Variants in VWC2 observed in about 807,000 individuals in gnomAD.
VWC2 encodes brorin.
VWC2 carries 14 observed loss-of-function variants against 29.8 expected under a neutral mutation model. That is an observed-to-expected ratio of 0.47 (90% CI 0.31 to 0.74). The LOEUF (loss-of-function observed/expected upper bound fraction) is 0.74, where lower values mean the gene tolerates loss of function less well. VWC2 is among the 30% of genes least tolerant of loss of function. The probability of loss-of-function intolerance (pLI) is 0.05; values close to 1 mark genes in which losing one functional copy is unlikely to be tolerated. For missense variants in VWC2, 457 were observed against 459.8 expected, an observed-to-expected ratio of 0.99 and a Z score of 0.05; for synonymous variants, 213 against 199.0, an observed-to-expected ratio of 1.07 and a Z score of -0.59.
At chr7:49,859,783 C>T (rs974839997) in intron 3 of VWC2, among the ~76,000 whole-genome samples, 23 of 100,428 alleles carry the variant, frequency 2.3e-4, no homozygotes, top group Middle Eastern at 4.5e-3. Flanking sequence ...TTACAGTGCG[C>T]GTGCGTGCAC....
intron 3 of VWC2, among the ~76,000 whole-genome samples, chr7:49,850,041 C>A (rs1218566861): frequency 1.3e-5 from 2 of 152,190 alleles, no homozygotes; most frequent in African/African-American, 4.8e-5. Flanking sequence ...AGCACAGTAT[C>A]CTAGCACAGG....
chr7:49,837,623 G>T (rs956978748), intron 3 of VWC2, among the ~76,000 whole-genome samples: 1 of 152,134 alleles, frequency 6.6e-6, no homozygotes, highest in Admixed American at 6.6e-5. Context: ...TTGCATTTTT[G>T]TGAGGGAAAA....
chr7:49,859,790 GCACACACA>G (rs57768700), intron 3 of VWC2, among the ~76,000 whole-genome samples: 3 of 12,022 alleles, frequency 2.5e-4, no homozygotes, highest in Middle Eastern at 0.022. Context: ...GCGCGTGCGT[GCACACACA>G]CACACACACA....
chr7:49,784,036 G>A (rs1788240261), intron 2 of VWC2, among the ~76,000 whole-genome samples: 1 of 152,200 alleles, frequency 6.6e-6, no homozygotes, highest in African/African-American at 2.4e-5. Context: ...GGAATATGGA[G>A]GATAGCCTGA....
chr7:49,779,733 G>A (rs1011438466), intron 2 of VWC2, among the ~76,000 whole-genome samples: 1 of 152,162 alleles, frequency 6.6e-6, no homozygotes, highest in African/African-American at 2.4e-5. Flanking sequence ...GGAAATCCAA[G>A]ATTTTCAGAC....
chr7:49,792,489 T>C (rs1788485125), intron 2 of VWC2, among the ~76,000 whole-genome samples: 2 of 152,176 alleles, frequency 1.3e-5, no homozygotes. Flanking sequence ...GTTCAACAGG[T>C]AACTTCCTCC....
intron 3 of VWC2, among the ~76,000 whole-genome samples, chr7:49,851,095 A>C (rs988420098): frequency 1.3e-5 from 2 of 152,016 alleles, no homozygotes; most frequent in Non-Finnish European, 2.9e-5. Flanking sequence ...GCTCCCTTAC[A>C]TGCCTCTCTC....
chr7:49,794,327 T>G (rs1221571109), intron 2 of VWC2, among the ~76,000 whole-genome samples: 2 of 152,228 alleles, frequency 1.3e-5, no homozygotes, highest in Non-Finnish European at 2.9e-5. Flanking sequence ...GAACGTTCTT[T>G]TATACATTAA....
chr7:49,911,923 GCACACA>G, intron 3 of VWC2, 105 bp from the exon 4 acceptor site: 6 of 344,558 alleles, frequency 1.7e-5, no homozygotes, highest in Non-Finnish European at 2.8e-5. Flanking sequence ...ACAAATACAC[GCACACA>G]CACACACACA....
In VWC2 at chr7:49,874,879, C is replaced by T. The variant is rs976175333; in HGVS notation, c.827-37155C>T. On this transcript the variant is annotated intron_variant, in intron 3 of 3. Coordinates refer to ENST00000340652, the MANE Select transcript of VWC2 (RefSeq NM_198570.5). ...TTCAGAGAGTATGGCCAGAACCTGC[C>T]TGTTGGTTCTTCCTATTTGTATGAG... 1.1e-3 allele frequency among the ~76,000 whole-genome samples: 162 copies of T among 152,050 alleles called. 2 individuals carry two copies. The highest frequency in any genetic ancestry group is 2.5e-4 in the Non-Finnish European group (17 of 68,008).
rs563381907 is a variant in VWC2 at position 49,847,221 on chromosome 7, AATATAATATAATAT to A, written c.826+44397_826+44410del. Among the ~76,000 whole-genome samples, 481 of 148,462 alleles carry A rather than the reference AATATAATATAATAT, an allele frequency of 3.2e-3. 5 individuals are homozygous for A. Among genetic ancestry groups the A allele is most frequent in the African/African-American group, 0.011 (447 of 40,796 alleles). On this transcript the variant is annotated intron_variant, in intron 3 of 3. Coordinates refer to ENST00000340652, the MANE Select transcript of VWC2 (RefSeq NM_198570.5). ...AAAATGTGTGAACCTATTATAATATAATATAATATAATATATATAATATAATATAATTAGGTTGT... is the reference window on the plus strand; with the variant it reads ...AAAATGTGTGAACCTATTATAATATAATATAATATAATATAATTAGGTTGT...
chr7:49,900,414 T>C (rs1297902430), intron 3 of VWC2, among the ~76,000 whole-genome samples: 1 of 151,518 alleles, frequency 6.6e-6, no homozygotes, highest in African/African-American at 2.4e-5. Context: ...GTTCTAAGTA[T>C]CTCACCAAGC....
chr7:49,887,212 G>T (rs1434685067), intron 3 of VWC2, among the ~76,000 whole-genome samples: 1 of 152,208 alleles, frequency 6.6e-6, no homozygotes, highest in Non-Finnish European at 1.5e-5. Context: ...ACAGATGCTA[G>T]ATTTGTGGTC....
chr7:49,826,774 T>A (rs1273040884), intron 3 of VWC2, among the ~76,000 whole-genome samples: 4 of 152,186 alleles, frequency 2.6e-5, no homozygotes, highest in African/African-American at 9.6e-5. Flanking sequence ...GTTTAACTGA[T>A]GTTTCAAATG....
chr7:49,791,009 T>A (rs910722310), intron 2 of VWC2, among the ~76,000 whole-genome samples: 7 of 152,070 alleles, frequency 4.6e-5, no homozygotes, highest in African/African-American at 1.7e-4. Flanking sequence ...GGCCCTGTGG[T>A]ATGACCAGAC....
intron 2 of VWC2, among the ~76,000 whole-genome samples, chr7:49,802,414 G>A (rs553618570): frequency 1.3e-5 from 2 of 152,294 alleles, no homozygotes; most frequent in South Asian, 2.1e-4. Context: ...GAGGCGGGCA[G>A]ATCACTTGAG....
intron 3 of VWC2, among the ~76,000 whole-genome samples, chr7:49,882,357 A>G (rs1057404546): frequency 3.9e-5 from 6 of 152,200 alleles, no homozygotes; most frequent in Non-Finnish European, 7.4e-5. Flanking sequence ...AAAAAGAAAA[A>G]CATATCAGTA....
At chr7:49,836,253 G>A (rs976914883) in intron 3 of VWC2, among the ~76,000 whole-genome samples, 13 of 152,134 alleles carry the variant, frequency 8.5e-5, no homozygotes, top group African/African-American at 3.1e-4. Context: ...AGAGATAAAT[G>A]TGTAGGCTGA....
At chr7:49,891,836 T>A (rs539985995) in intron 3 of VWC2, among the ~76,000 whole-genome samples, 16 of 152,282 alleles carry the variant, frequency 1.1e-4, no homozygotes, top group Middle Eastern at 3.4e-3. Context: ...TAGGTCCTTT[T>A]AATAGCTACC....
Sources: gnomAD v4.1 joint callset for allele counts (sites outside exome capture counted in the v4.1 genomes callset) on GRCh38, gnomAD v4.1.1 for gene constraint, MANE v1.5 for transcripts, NCBI Gene and HGNC (gene_info 2026-07-23, HGNC 2026-07-21) for gene names.